The following ERO1B variants were observed in gnomAD, a reference collection of about 807,000 sequenced individuals.
ERO1B encodes ERO1-like protein beta.
A neutral mutation model predicts 75.3 loss-of-function variants in ERO1B; 49 were observed. The ratio of observed to expected loss-of-function variants is 0.65; its 90% CI spans 0.52 to 0.83. ERO1B has a LOEUF of 0.83. ERO1B is among the 40% of genes least tolerant of loss of function. The probability of loss-of-function intolerance (pLI) is 0.00; values close to 1 mark genes in which losing one functional copy is unlikely to be tolerated. For synonymous variants in ERO1B, 191 were observed against 192.9 expected (o/e 0.99, Z 0.08); for missense variants, 512 against 560.1 (o/e 0.91, Z 0.87).
chr1:236,279,680 A>C (rs2492377), intron 1 of ERO1B, among the ~76,000 whole-genome samples: 121,238 of 148,440 alleles, frequency 0.82, 49,747 homozygotes, highest in East Asian at 0.91. Flanking sequence ...AAAAAAAAAA[A>C]ACACACACAC....
intron 1 of ERO1B, among the ~76,000 whole-genome samples, chr1:236,276,301 GA>G (rs914181817): frequency 5.3e-5 from 8 of 152,208 alleles, no homozygotes; most frequent in African/African-American, 1.9e-4. Flanking sequence ...CTAACACTGA[GA>G]GTCCACTGTA....
At position 236,269,950 on chromosome 1, in the gene ERO1B, G is replaced by A. The variant is rs754348396; in HGVS notation, c.147C>T (p.Ile49=). Reference sequence around the variant, plus strand: ...AGATTTTGTAGGTATTGAAGTTATCGATGCTGTCAATATCACACAAGCAAT... The same window carrying A: ...AGATTTTGTAGGTATTGAAGTTATCAATGCTGTCAATATCACACAAGCAAT... ...LDDCLCDIDS[I]DNFNTYKIFP... The change falls in exon 2 of 16, where the codon ATC becomes ATT. Residue 49 remains isoleucine, a synonymous_variant. Transcript: ENST00000354619. 1.2e-5 allele frequency: 20 copies of A among 1,603,680 alleles called. No individual in the cohort carries two copies. Among genetic ancestry groups the A allele is most frequent in the Admixed American group, 5.0e-5 (3 of 59,908 alleles).
chr1:236,257,192 T>C (rs918008420), intron 2 of ERO1B, among the ~76,000 whole-genome samples: 1 of 152,214 alleles, frequency 6.6e-6, no homozygotes, highest in Admixed American at 6.5e-5. Flanking sequence ...CACAAAGTTT[T>C]GCGAAACTAG....
At chr1:236,279,855 A>G (rs972452242) in intron 1 of ERO1B, among the ~76,000 whole-genome samples, 3 of 151,990 alleles carry the variant, frequency 2.0e-5, no homozygotes, top group Non-Finnish European at 2.9e-5. Context: ...AAAAAAAAAA[A>G]AAAAAGAAAG....
At position 236,216,166 on chromosome 1, in the gene ERO1B, C is replaced by T. The variant is rs1434592583; in HGVS notation, c.*2350G>A. The stretch of plus-strand genomic sequence containing the variant: ...AAGGAAGGAATATTTTCCTTTTCTT[C>T]ATTTTCATTACTTCATCAGTGGGTA... On this transcript the variant is annotated 3_prime_UTR_variant, in exon 16 of 16. Coordinates refer to ENST00000354619, the MANE Select transcript of ERO1B (RefSeq NM_019891.4). The T allele has an allele frequency of 1.3e-5, 2 of 152,078 alleles. No individual in the cohort carries two copies. The highest frequency in any genetic ancestry group is 2.4e-5 in the African/African-American group (1 of 41,420). The allele number at this position is 152,078 out of a possible 1,614,324, so 9.4% of individuals were successfully genotyped here.
Position 236,220,968 on chromosome 1 carries a change from A to G in ERO1B, c.1210-3T>C. 2 of 1,526,316 alleles carry G rather than the reference A, an allele frequency of 1.3e-6. No homozygotes were observed. Among genetic ancestry groups the G allele is most frequent in the Non-Finnish European group, 8.8e-7 (1 of 1,142,658 alleles). 94.5% of individuals were successfully genotyped at this position (1,526,316 alleles called of 1,614,324 possible). ...AGGGCAGTTCCTAAACCCTGAGTCT[A>G]AAGAAAATAGCAATAAACTCATAAT... On this transcript the variant is annotated splice_polypyrimidine_tract_variant and splice_region_variant and intron_variant, in intron 14 of 15. Coordinates refer to ENST00000354619, the MANE Select transcript of ERO1B (RefSeq NM_019891.4).
intron 1 of ERO1B, among the ~76,000 whole-genome samples, chr1:236,274,750 A>G (rs1382625372): frequency 7.3e-6 from 1 of 137,496 alleles, no homozygotes; most frequent in East Asian, 1.9e-4. Flanking sequence ...AGAAGAAAAA[A>G]AAAAGACAGA....
Position 236,221,976 on chromosome 1 carries a change from C to A in ERO1B, c.1157G>T (p.Arg386Leu), listed in dbSNP as rs116000191. 4 of 1,613,552 alleles carry A rather than the reference C, an allele frequency of 2.5e-6. No homozygotes were observed. The highest frequency in any genetic ancestry group is 3.4e-6 in the Non-Finnish European group (4 of 1,179,626). The change falls in exon 14 of 16, where the codon CGT becomes CTT. Residue 386 changes from arginine to leucine, a missense_variant. Arg to Leu is a moderately radical substitution (Grantham distance 102). Transcript: ENST00000354619. ...GTCACATCCAACACAGTCCATTATA[C>A]GGGAGATATTCTTGAAATGTAATCG... ...EFRLHFKNIS[R>L]IMDCVGCDKC...
At chr1:236,230,118 C>G in intron 10 of ERO1B, 106 bp downstream of exon 10, 2 of 844,262 alleles carry the variant, frequency 2.4e-6, no homozygotes, top group Non-Finnish European at 3.8e-6. Flanking sequence ...TTCAAACTGT[C>G]AAAATTAGTT....
chr1:236,259,071 C>G (rs1294043140), intron 2 of ERO1B, among the ~76,000 whole-genome samples: 1 of 151,798 alleles, frequency 6.6e-6, no homozygotes, highest in African/African-American at 2.4e-5. Context: ...ACAAACTATA[C>G]AAGATATAAG....
At chr1:236,244,945 G>T (rs192174605) in intron 5 of ERO1B, among the ~76,000 whole-genome samples, 2 of 151,976 alleles carry the variant, frequency 1.3e-5, no homozygotes, top group African/African-American at 2.4e-5. Context: ...TGGGAAATGA[G>T]GAGCATAAAA....
intron 6 of ERO1B, among the ~76,000 whole-genome samples, chr1:236,239,813 A>ATG: frequency 2.1e-5 from 1 of 47,334 alleles, no homozygotes; most frequent in Middle Eastern, 0.015. Context: ...ATATGTGTGT[A>ATG]TATATATATG....
intron 5 of ERO1B, among the ~76,000 whole-genome samples, chr1:236,246,030 G>A (rs1022920361): frequency 6.6e-6 from 1 of 152,124 alleles, no homozygotes; most frequent in Non-Finnish European, 1.5e-5. Context: ...AATCACTGGA[G>A]AAGTTGTAGA....
At chr1:236,219,285 C>G (rs1664075319) in intron 15 of ERO1B, among the ~76,000 whole-genome samples, 1 of 152,058 alleles carries the variant, frequency 6.6e-6, no homozygotes, top group Non-Finnish European at 1.5e-5. Context: ...AGTGATTTGC[C>G]TGAGTTCATA....
intron 2 of ERO1B, among the ~76,000 whole-genome samples, chr1:236,263,231 A>C (rs1665333159): frequency 6.8e-6 from 1 of 147,648 alleles, no homozygotes; most frequent in South Asian, 2.2e-4. Context: ...GAAAATAAAC[A>C]AAAACTTCAG....
At chr1:236,280,142 G>A in intron 1 of ERO1B, among the ~76,000 whole-genome samples, 1 of 151,938 alleles carries the variant, frequency 6.6e-6, no homozygotes, top group Non-Finnish European at 1.5e-5. Flanking sequence ...AAAAATACAG[G>A]TGAAATTATA....
chr1:236,268,663 G>A (rs1021102828), intron 2 of ERO1B, among the ~76,000 whole-genome samples: 12 of 151,816 alleles, frequency 7.9e-5, no homozygotes, highest in African/African-American at 9.7e-5. Context: ...AAGGCGGGCG[G>A]ATCACAAGGT....
At chr1:236,233,324 G>GAAAA (rs1664460638) in intron 8 of ERO1B, among the ~76,000 whole-genome samples, 1 of 141,906 alleles carries the variant, frequency 7.0e-6, no homozygotes, top group East Asian at 2.2e-4. Context: ...AAAAAAAAAA[G>GAAAA]AAGAAGGCTG....
Position 236,215,914 on chromosome 1 carries a change from A to G in ERO1B, c.*2602T>C, listed in dbSNP as rs1663960515. On this transcript the variant is annotated 3_prime_UTR_variant, in exon 16 of 16. Transcript: ENST00000354619. The stretch of plus-strand genomic sequence containing the variant: ...AAGTTGAAAAACATGGCAGAGTTTC[A>G]TATACATACAGAGATTACAAATATC... 1 of 138,852 alleles carries G rather than the reference A, an allele frequency of 7.2e-6. No homozygotes were observed. Among genetic ancestry groups the G allele is most frequent in the South Asian group, 2.3e-4 (1 of 4,290 alleles). 8.6% of individuals were successfully genotyped at this position (138,852 alleles called of 1,614,324 possible).
Sources: gnomAD v4.1 joint callset for allele counts (sites outside exome capture counted in the v4.1 genomes callset) on GRCh38, gnomAD v4.1.1 for gene constraint, MANE v1.5 for transcripts, NCBI Gene and HGNC (gene_info 2026-07-23, HGNC 2026-07-21) for gene names.